Variants in ITGAE observed in about 807,000 individuals in gnomAD.
ITGAE encodes the protein integrin subunit alpha E, also known as integrin alpha-E.
ITGAE carries 99 observed loss-of-function variants against 136.5 expected under a neutral mutation model. The observed-to-expected ratio is 0.73, with a 90% CI of 0.62 to 0.86. The LOEUF (loss-of-function observed/expected upper bound fraction) is 0.86, where lower values mean the gene tolerates loss of function less well. Among genes scored for constraint, ITGAE ranks in the 40% least tolerant of loss-of-function variants. The pLI is 0.00. For synonymous variants in ITGAE, 613 were observed against 591.8 expected (o/e 1.04, Z -0.52); for missense variants, 1,447 against 1,515.3 (o/e 0.95, Z 0.75).
chr17:3,716,056 C>T (rs2050936284), intron 30 of ITGAE, among the ~76,000 whole-genome samples: 1 of 151,352 alleles, frequency 6.6e-6, no homozygotes, highest in African/African-American at 2.4e-5. Flanking sequence ...ACTCAGGAGG[C>T]TGAGGCAGGA....
At chr17:3,718,005 C>A (rs2050975012) in intron 29 of ITGAE, 1 of 152,278 alleles carries the variant, frequency 6.6e-6, no homozygotes, top group African/African-American at 2.4e-5. Context: ...CCTTTATCTT[C>A]TTCTAAACCC....
chr17:3,756,025 G>T, intron 10 of ITGAE, 128 bp from the exon 11 acceptor site: 1 of 834,922 alleles, frequency 1.2e-6, no homozygotes, highest in Non-Finnish European at 1.9e-6. Context: ...AGAGAACCCG[G>T]CTGAGGGTAG....
chr17:3,756,689 G>A (rs556502060), intron 10 of ITGAE, among the ~76,000 whole-genome samples: 1 of 152,320 alleles, frequency 6.6e-6, no homozygotes, highest in East Asian at 1.9e-4. Flanking sequence ...ATGGGCGTGA[G>A]CCACCACACC....
intron 17 of ITGAE, among the ~76,000 whole-genome samples, 176 bp downstream of exon 17, chr17:3,747,746 G>T (rs184038099): frequency 6.6e-6 from 1 of 152,166 alleles, no homozygotes; most frequent in East Asian, 1.9e-4. Flanking sequence ...GAGGCAGTTT[G>T]CATTTAACAA....
At chr17:3,726,404 A>G (rs170208) in intron 26 of ITGAE, 510,294 of 1,020,930 alleles carry the variant, frequency 0.5, 135,827 homozygotes, top group South Asian at 0.61. Flanking sequence ...TTCAACCTCC[A>G]TCCCCACAGG....
chr17:3,754,178 T>C (rs1390878272), intron 12 of ITGAE, among the ~76,000 whole-genome samples: 1 of 152,154 alleles, frequency 6.6e-6, no homozygotes, highest in Non-Finnish European at 1.5e-5. Flanking sequence ...GAAATACTCG[T>C]TCGCACACAT....
At position 3,755,145 on chromosome 17, in the gene ITGAE, G is replaced by GTCTGCCGCC; in HGVS notation, c.1347_1355dup (p.Ala451_Asp452insGluAlaAla). On this transcript the variant is annotated inframe_insertion, in exon 12 of 31. Coordinates refer to ENST00000263087, the MANE Select transcript of ITGAE (RefSeq NM_002208.5). ...GGTAGCTGTACTGCGCAGCCTCCGC[G>GTCTGCCGCC]TCTGCCGCCGCCGCCGCTGTCTGGT... 6.7e-7 allele frequency: 1 copy of GTCTGCCGCC among 1,483,040 alleles called. No homozygotes were observed. The highest frequency in any genetic ancestry group is 9.1e-7 in the Non-Finnish European group (1 of 1,103,742). 91.9% of individuals were successfully genotyped at this position (1,483,040 alleles called of 1,614,324 possible). A position where few individuals can be genotyped will look rare whatever the true frequency, so the allele number is the denominator to read the frequency against.
chr17:3,726,159 G>A, intron 26 of ITGAE: 2 of 1,614,158 alleles, frequency 1.2e-6, no homozygotes, highest in South Asian at 2.2e-5. Flanking sequence ...TTATAGTAAT[G>A]TGCTCTGGTT....
intron 17 of ITGAE, 115 bp from the exon 18 acceptor site, chr17:3,746,042 G>GGGAA: frequency 5.5e-6 from 5 of 903,092 alleles, no homozygotes; most frequent in Non-Finnish European, 8.3e-6. Flanking sequence ...TCCCCATGCA[G>GGGAA]GTACTTCCCT....
intron 15 of ITGAE, among the ~76,000 whole-genome samples, chr17:3,751,137 G>A (rs891194624): frequency 2.6e-5 from 4 of 152,046 alleles, no homozygotes; most frequent in Non-Finnish European, 4.4e-5. Flanking sequence ...GGAAGCAGGT[G>A]CTCTCAGATG....
At position 3,761,948 on chromosome 17, in the gene ITGAE, TC is replaced by T; in HGVS notation, c.281del (p.Gly94GlufsTer2). On this transcript the variant is annotated frameshift_variant, in exon 4 of 31. Coordinates refer to ENST00000263087, the MANE Select transcript of ITGAE (RefSeq NM_002208.5). LOFTEE classifies it high-confidence loss of function. ...HVPIPKGRHR[G>X]VTVVRSHHGV... ...CGTGGTGGCTCCGGACAACGGTCAC[TC>T]CCCGGTGCCTCCCCTTGGGGATGGG... 1 of 1,613,878 alleles carries T rather than the reference TC, an allele frequency of 6.2e-7. No individual in the cohort carries two copies. Among genetic ancestry groups the T allele is most frequent in the Non-Finnish European group, 8.5e-7 (1 of 1,179,958 alleles).
chr17:3,755,038 G>A, intron 12 of ITGAE, 79 bp downstream of exon 12: 5 of 1,174,932 alleles, frequency 4.3e-6, no homozygotes, highest in Non-Finnish European at 5.4e-6. Flanking sequence ...TAGCCCTCAG[G>A]CCCCACCCTC....
At chr17:3,784,369 C>G (rs2052736044) in intron 1 of ITGAE, 2 of 323,380 alleles carry the variant, frequency 6.2e-6, no homozygotes, top group Non-Finnish European at 1.2e-5. Flanking sequence ...ACAGACAAAA[C>G]TCTGTACCCA....
In ITGAE at chr17:3,757,151, G is replaced by A. The variant is rs2052047524; in HGVS notation, c.1021-17C>T. ...TTCTCCCACCTGCACAGACAGCCTG[G>A]GTCAGCGAGTCAGCGCTGCGTGGAT... is the stretch of plus-strand genomic sequence containing the variant. On this transcript the variant is annotated splice_polypyrimidine_tract_variant and intron_variant, in intron 9 of 30. Coordinates refer to ENST00000263087, the MANE Select transcript of ITGAE (RefSeq NM_002208.5). 1 of 1,612,758 alleles carries A rather than the reference G, an allele frequency of 6.2e-7. No individual in the cohort carries two copies. Among genetic ancestry groups the A allele is most frequent in the Non-Finnish European group, 8.5e-7 (1 of 1,179,256 alleles).
chr17:3,772,174 G>C (rs2052440090), intron 2 of ITGAE, among the ~76,000 whole-genome samples: 1 of 152,086 alleles, frequency 6.6e-6, no homozygotes, highest in African/African-American at 2.4e-5. Context: ...CAGTCACCCT[G>C]CAAATCCTAG....
rs557769235 is a variant in ITGAE, at chr17:3,758,156, C to T, written c.867-297G>A. Among the ~76,000 whole-genome samples the T allele has an allele frequency of 7.9e-4, 121 of 152,342 alleles. 1 individual carries two copies. The highest frequency in any genetic ancestry group is 6.8e-3 in the South Asian group (33 of 4,828). On this transcript the variant is annotated intron_variant, in intron 8 of 30. Coordinates refer to ENST00000263087, the MANE Select transcript of ITGAE (RefSeq NM_002208.5). Reference sequence around the variant, plus strand: ...ATATTAAAACGATAGATAATACTCACATGGCACTTATCATGTGCCAGGCAC... The same window carrying T: ...ATATTAAAACGATAGATAATACTCATATGGCACTTATCATGTGCCAGGCAC...
chr17:3,746,011 T>G (rs2051704676), intron 17 of ITGAE, 84 bp from the exon 18 acceptor site: 1 of 1,303,334 alleles, frequency 7.7e-7, no homozygotes, highest in Admixed American at 2.0e-5. Context: ...TGAGGTTCCT[T>G]GTGGCCCCTC....
In ITGAE at chr17:3,728,088, C is replaced by T. The variant is rs2051256088; in HGVS notation, c.2976+17G>A. The T allele has an allele frequency of 1.2e-6, 2 of 1,607,640 alleles. No individual in the cohort carries two copies. Among genetic ancestry groups the T allele is most frequent in the African/African-American group, 1.3e-5 (1 of 74,880 alleles). On this transcript the variant is annotated intron_variant, in intron 25 of 30. Coordinates refer to ENST00000263087, the MANE Select transcript of ITGAE (RefSeq NM_002208.5). ...TATTGCTTTGCCATCTACAGCTTTACAATAATAAGTACTTACATGGAAGAG... is the reference window on the plus strand; with the variant it reads ...TATTGCTTTGCCATCTACAGCTTTATAATAATAAGTACTTACATGGAAGAG...
chr17:3,729,556 C>T lies in ITGAE; in HGVS notation c.2835-1G>A. ...GGCCAAAGACCGTCTTTCATTGGAACTAGGAATAAGAGTGTTAGTTCATAG... is the reference window on the plus strand; with the variant it reads ...GGCCAAAGACCGTCTTTCATTGGAATTAGGAATAAGAGTGTTAGTTCATAG... On this transcript the variant is annotated splice_acceptor_variant, in intron 23 of 30. Transcript: ENST00000263087. LOFTEE classifies it high-confidence loss of function. 1 of 1,576,352 alleles carries T rather than the reference C, an allele frequency of 6.3e-7. No homozygotes were observed. The highest frequency in any genetic ancestry group is 8.7e-7 in the Non-Finnish European group (1 of 1,145,554).
Sources: allele counts gnomAD v4.1 joint callset (sites outside exome capture counted in the v4.1 genomes callset), GRCh38; gene constraint gnomAD v4.1.1; transcripts MANE v1.5; gene names NCBI Gene and HGNC (gene_info 2026-07-23, HGNC 2026-07-21).